The following CBX1 variants were observed in gnomAD, a reference collection of about 807,000 sequenced individuals.
CBX1 encodes chromobox protein homolog 1.
Under a neutral mutation model 25.1 loss-of-function variants are expected in CBX1, and 10 were observed. The ratio of observed to expected loss-of-function variants is 0.40; its 90% CI spans 0.25 to 0.68. The LOEUF (loss-of-function observed/expected upper bound fraction) is 0.68. Ranked by LOEUF, CBX1 falls within the 30% of genes least tolerant of loss-of-function variation. The probability of loss-of-function intolerance (pLI) is 0.40; values close to 1 mark genes in which losing one functional copy is unlikely to be tolerated. For missense variants in CBX1, 106 were observed against 218.5 expected (o/e 0.49, Z 3.25); for synonymous variants, 63 against 79.4 (o/e 0.79, Z 1.10).
At chr17:48,076,800 T>G in intron 2 of CBX1, 65 bp downstream of exon 2, 1 of 1,468,436 alleles carries the variant, frequency 6.8e-7, no homozygotes, top group Non-Finnish European at 9.3e-7. Context: ...ACTGGAGGTC[T>G]CATACATCTC....
At chr17:48,092,244 C>G (rs2063348384) in intron 1 of CBX1, among the ~76,000 whole-genome samples, 1 of 151,552 alleles carries the variant, frequency 6.6e-6, no homozygotes, top group Non-Finnish European at 1.5e-5. Context: ...CCCGCCTCGC[C>G]CTCCCAAAGT....
chr17:48,089,128 TCTCA>T (rs1337810141), intron 1 of CBX1, among the ~76,000 whole-genome samples: 2 of 138,416 alleles, frequency 1.4e-5, no homozygotes, highest in Non-Finnish European at 3.1e-5. Context: ...TGAGACAGAG[TCTCA>T]CTCAGTCGCC....
chr17:48,074,722 T>C (rs1048384308), intron 4 of CBX1, among the ~76,000 whole-genome samples: 2 of 151,834 alleles, frequency 1.3e-5, no homozygotes, highest in African/African-American at 4.8e-5. Context: ...TCTCCCCCTT[T>C]ATTTACAGAA....
chr17:48,080,515 T>G (rs989732809), intron 1 of CBX1, among the ~76,000 whole-genome samples: 1 of 151,858 alleles, frequency 6.6e-6, no homozygotes, highest in African/African-American at 2.4e-5. Flanking sequence ...ATAATACCAA[T>G]TTGAGGTTAA....
chr17:48,077,541 C>T (rs1047775820), intron 1 of CBX1, among the ~76,000 whole-genome samples: 5 of 150,702 alleles, frequency 3.3e-5, no homozygotes, highest in South Asian at 2.1e-4. Context: ...CCACCTGCCT[C>T]GGCCTCCCAA....
At chr17:48,079,836 A>G (rs1401326067) in intron 1 of CBX1, among the ~76,000 whole-genome samples, 2 of 152,198 alleles carry the variant, frequency 1.3e-5, no homozygotes, top group Non-Finnish European at 1.5e-5. Flanking sequence ...AAATGCCAGA[A>G]TGATCATGAA....
intron 1 of CBX1, among the ~76,000 whole-genome samples, chr17:48,096,705 G>A (rs1433070858): frequency 1.3e-5 from 2 of 152,088 alleles, no homozygotes; most frequent in Non-Finnish European, 2.9e-5. Context: ...AACCCGGGAG[G>A]TGGAAGCTGC....
rs1190803255 is a variant in CBX1 at position 48,070,167 on chromosome 17, C to T, written c.*1268G>A. On this transcript the variant is annotated 3_prime_UTR_variant, in exon 5 of 5. Transcript: ENST00000225603. ...ACACATGCCTAAAAGAATTTTACAA[C>T]GTAGCTCTAGATGCAAGTCTAGACA... 4 of 152,614 alleles carry T rather than the reference C, an allele frequency of 2.6e-5. No individual in the cohort carries two copies. The highest frequency in any genetic ancestry group is 6.5e-5 in the Admixed American group (1 of 15,274). The allele number at this position is 152,614 out of a possible 1,614,324, so 9.5% of individuals were successfully genotyped here.
intron 4 of CBX1, among the ~76,000 whole-genome samples, chr17:48,072,569 C>T (rs1200911034): frequency 2.0e-5 from 3 of 151,584 alleles, no homozygotes; most frequent in Non-Finnish European, 4.4e-5. Context: ...AGGTGGATCA[C>T]GAGGTCAGAT....
In CBX1 at chr17:48,076,087, C is replaced by T; in HGVS notation, c.232G>A (p.Asp78Asn). ...TTGCGCTTGCCTCCCTCTGATTTAT[C>T]TGTCTCATGTGCTGTTTTCTGTGAC... Reference protein sequence around the residue: ...LQSQKTAHETDKSEGGKRKAD... With the variant: ...LQSQKTAHETNKSEGGKRKAD... Residue 78 changes from aspartate to asparagine, a missense_variant, in exon 3 of 5, where the codon GAT (aspartate) becomes AAT (asparagine). Transcript: ENST00000225603. 6.2e-7 allele frequency: 1 copy of T among 1,613,576 alleles called. No homozygotes were observed. The highest frequency in any genetic ancestry group is 8.5e-7 in the Non-Finnish European group (1 of 1,179,566).
rs750961406 is a variant in CBX1, at chr17:48,100,645, T to A, written c.-38+623A>T. ...ATTCTCGGGATCTCCGCCCTACTTATCCTAACAGCTCCTCCCCTTCCAGAG... is the reference window on the plus strand; with the variant it reads ...ATTCTCGGGATCTCCGCCCTACTTAACCTAACAGCTCCTCCCCTTCCAGAG... On this transcript the variant is annotated intron_variant, in intron 1 of 4. Coordinates refer to ENST00000225603, the MANE Select transcript of CBX1 (RefSeq NM_001127228.2). 6 of 822,972 alleles carry A rather than the reference T, an allele frequency of 7.3e-6. No homozygotes were observed. In the African/African-American group the frequency reaches 1.1e-4, roughly 15 times the overall value. 51.0% of individuals were successfully genotyped at this position (822,972 alleles called of 1,614,324 possible).
intron 3 of CBX1, 65 bp downstream of exon 3, chr17:48,075,936 G>C (rs2037670855): frequency 1.5e-6 from 2 of 1,308,194 alleles, no homozygotes; most frequent in Admixed American, 2.2e-5. Flanking sequence ...GGAAGAAGCA[G>C]AACAAAACTA....
chr17:48,100,154 A>G (rs916378392), intron 1 of CBX1, among the ~76,000 whole-genome samples: 1 of 150,648 alleles, frequency 6.6e-6, no homozygotes, highest in Non-Finnish European at 1.5e-5. Context: ...AAAAAAAAAA[A>G]GAGGTAAAAT....
At chr17:48,087,639 C>T (rs2063320022) in intron 1 of CBX1, among the ~76,000 whole-genome samples, 1 of 151,924 alleles carries the variant, frequency 6.6e-6, no homozygotes. Context: ...TTTGGGAGGT[C>T]AAGGCAGGCA....
intron 1 of CBX1, among the ~76,000 whole-genome samples, chr17:48,092,671 C>T (rs1179498034): frequency 6.6e-6 from 1 of 151,850 alleles, no homozygotes. Flanking sequence ...CTAGGCTGGT[C>T]TCGAACTCCT....
chr17:48,076,723 G>C lies in CBX1; in HGVS notation c.140+142C>G, dbSNP rs1346794131. On this transcript the variant is annotated intron_variant, in intron 2 of 4. Coordinates refer to ENST00000225603, the MANE Select transcript of CBX1 (RefSeq NM_001127228.2). ...ATTCTGCTTTGTATTATAAGCAGTA[G>C]GCCATATTCCTAATTAAACAATAAG... 19 of 709,498 alleles carry C rather than the reference G, an allele frequency of 2.7e-5. No individual in the cohort carries two copies. In the South Asian group the frequency reaches 3.0e-4, roughly 11 times the overall value. The allele number at this position is 709,498 out of a possible 1,614,324, so 44.0% of individuals were successfully genotyped here. A position where few individuals can be genotyped will look rare whatever the true frequency, so the allele number is the denominator to read the frequency against.
chr17:48,088,977 A>G (rs1445573448), intron 1 of CBX1, among the ~76,000 whole-genome samples: 2 of 152,148 alleles, frequency 1.3e-5, no homozygotes, highest in African/African-American at 4.8e-5. Context: ...CTGTCTCAAT[A>G]AAACACAAAA....
At chr17:48,089,234 G>A (rs1219527354) in intron 1 of CBX1, among the ~76,000 whole-genome samples, 1 of 150,904 alleles carries the variant, frequency 6.6e-6, no homozygotes. Flanking sequence ...CCCAGTAGCT[G>A]GGACTACATG....
At chr17:48,075,947 C>T (rs1376532315) in intron 3 of CBX1, 54 bp downstream of exon 3, 3 of 1,390,754 alleles carry the variant, frequency 2.2e-6, no homozygotes. Flanking sequence ...AACAAAACTA[C>T]TTTGACAGTA....
Sources: gnomAD v4.1 joint callset for allele counts (sites outside exome capture counted in the v4.1 genomes callset) on GRCh38, gnomAD v4.1.1 for gene constraint, MANE v1.5 for transcripts, NCBI Gene and HGNC (gene_info 2026-07-23, HGNC 2026-07-21) for gene names.